Variants in SLC25A37 observed in about 807,000 individuals in gnomAD.
SLC25A37 encodes the protein solute carrier family 25 member 37, also known as mitoferrin-1.
SLC25A37 carries 17 observed loss-of-function variants against 31.0 expected under a neutral mutation model. The ratio of observed to expected loss-of-function variants is 0.55; its 90% CI spans 0.38 to 0.82. The LOEUF (loss-of-function observed/expected upper bound fraction) is 0.82, where lower values mean the gene tolerates loss of function less well. Among genes scored for constraint, SLC25A37 ranks in the 40% least tolerant of loss-of-function variants. The pLI, the probability that SLC25A37 is intolerant of heterozygous loss-of-function variation, is 0.00. For missense variants in SLC25A37, 404 were observed against 465.8 expected (o/e 0.87, Z 1.22); for synonymous variants, 222 against 193.0 (o/e 1.15, Z -1.24).
In SLC25A37 at chr8:23,566,162, G is replaced by A. The variant is rs746692529; in HGVS notation, c.265G>A (p.Gly89Arg). 1.5e-5 allele frequency: 24 copies of A among 1,604,630 alleles called. 1 individual carries two copies. The highest frequency in any genetic ancestry group is 1.7e-4 in the Middle Eastern group (1 of 6,056). ...DPKAQYTSIY[G>R]ALKKIMRTEG... ...CAAAGCCCAGTACACAAGTATCTACGGAGCCCTCAAGAAAATCATGCGGAC... is the reference window on the plus strand; with the variant it reads ...CAAAGCCCAGTACACAAGTATCTACAGAGCCCTCAAGAAAATCATGCGGAC... Residue 89 changes from glycine to arginine, a missense_variant, in exon 2 of 4, where the codon GGA becomes AGA. Transcript: ENST00000519973.
In SLC25A37 at chr8:23,573,993, A is replaced by G. The variant is rs74879444; in HGVS notation, c.*2138A>G. The G allele has an allele frequency of 1.4e-3, 485 of 358,478 alleles. 1 individual carries two copies. Among genetic ancestry groups the G allele is most frequent in the African/African-American group, 9.8e-3 (464 of 47,184 alleles). The allele number at this position is 358,478 out of a possible 1,614,324, so 22.2% of individuals were successfully genotyped here. A position where few individuals can be genotyped will look rare whatever the true frequency, so the allele number is the denominator to read the frequency against. On this transcript the variant is annotated 3_prime_UTR_variant, in exon 4 of 4. Transcript: ENST00000519973. ...GGAGGGGAAAAAAATCAAATTCTAA[A>G]TTTCAAAGTAGAATTTAAAGCAAAT...
rs373989933 is a variant in SLC25A37, at chr8:23,566,154, G to A, written c.257G>A (p.Ser86Asn). Residue 86 changes from serine to asparagine, a missense_variant, in exon 2 of 4, where the codon AGT (serine) becomes AAT (asparagine). Transcript: ENST00000519973. ...LSPDPKAQYT[S>N]IYGALKKIMR... ...CCAGATCCCAAAGCCCAGTACACAA[G>A]TATCTACGGAGCCCTCAAGAAAATC... is the stretch of plus-strand genomic sequence containing the variant. The A allele has an allele frequency of 4.2e-5, 68 of 1,604,362 alleles. No individual in the cohort carries two copies. Among genetic ancestry groups the A allele is most frequent in the Non-Finnish European group, 5.8e-5 (68 of 1,176,990 alleles).
At chr8:23,553,513 G>A (rs1461340397) in intron 1 of SLC25A37, among the ~76,000 whole-genome samples, 1 of 152,212 alleles carries the variant, frequency 6.6e-6, no homozygotes, top group East Asian at 1.9e-4. Flanking sequence ...TTATGGGCCG[G>A]TGACATTGAC....
At chr8:23,559,331 C>G (rs1802448310) in intron 1 of SLC25A37, among the ~76,000 whole-genome samples, 1 of 142,590 alleles carries the variant, frequency 7.0e-6, no homozygotes, top group Non-Finnish European at 1.6e-5. Context: ...AATTCTCTGT[C>G]TCCGGTTGTG....
chr8:23,546,017 C>T (rs1033760138), intron 1 of SLC25A37, among the ~76,000 whole-genome samples: 6 of 152,036 alleles, frequency 3.9e-5, no homozygotes, highest in African/African-American at 1.5e-4. Context: ...TGCCTATAAT[C>T]TCAGCTACTT....
rs181050259 is a variant in SLC25A37 at position 23,575,130 on chromosome 8, C to A, written c.*3275C>A. On this transcript the variant is annotated 3_prime_UTR_variant, in exon 4 of 4. Transcript: ENST00000519973. Reference sequence around the variant, plus strand: ...TAAAATGCTCATGTCTTATTCCAAGCACCTTCCTCCAAAGTCCCCATAAAG... The same window carrying A: ...TAAAATGCTCATGTCTTATTCCAAGAACCTTCCTCCAAAGTCCCCATAAAG... The A allele has an allele frequency of 6.6e-6, 1 of 152,252 alleles. No homozygotes were observed. The highest frequency in any genetic ancestry group is 6.5e-5 in the Admixed American group (1 of 15,300). 9.4% of individuals were successfully genotyped at this position (152,252 alleles called of 1,614,324 possible).
intron 1 of SLC25A37, among the ~76,000 whole-genome samples, chr8:23,538,425 C>T (rs7816019): frequency 0.16 from 22,046 of 135,658 alleles, 4,081 homozygotes; most frequent in African/African-American, 0.42. Flanking sequence ...AAAAACTTGC[C>T]ATTAAACAAA....
chr8:23,534,705 T>C (rs1563250106), intron 1 of SLC25A37, among the ~76,000 whole-genome samples: 2 of 152,210 alleles, frequency 1.3e-5, no homozygotes, highest in Non-Finnish European at 2.9e-5. Flanking sequence ...TTAACCTTTC[T>C]GTGCTATTTC....
At chr8:23,543,565 G>A (rs934539708) in intron 1 of SLC25A37, among the ~76,000 whole-genome samples, 3 of 152,028 alleles carry the variant, frequency 2.0e-5, no homozygotes, top group Non-Finnish European at 2.9e-5. Flanking sequence ...CCCTACACAG[G>A]TGTACCATTA....
rs755294010 is a variant in SLC25A37, at chr8:23,528,965, C to CA, written c.-37dup. The CA allele has an allele frequency of 2.8e-6, 4 of 1,418,480 alleles. No homozygotes were observed. The South Asian group carries it at 5.8e-5, about 21-fold the overall frequency. The allele number at this position is 1,418,480 out of a possible 1,614,324, so 87.9% of individuals were successfully genotyped here. ...TTTTGCGCCCCTCCCCCTCCCTGCCCACCTCCTGCAGCCTCCTGCGCCCCG... is the reference window on the plus strand; with the variant it reads ...TTTTGCGCCCCTCCCCCTCCCTGCCCAACCTCCTGCAGCCTCCTGCGCCCCG... On this transcript the variant is annotated 5_prime_UTR_variant, in exon 1 of 4. Transcript: ENST00000519973.
In SLC25A37 at chr8:23,571,312, C is replaced by G. The variant is rs573484944; in HGVS notation, c.497-23C>G. 22 of 1,524,990 alleles carry G rather than the reference C, an allele frequency of 1.4e-5. No homozygotes were observed. The East Asian group carries it at 3.8e-4, about 26-fold the overall frequency. The allele number at this position is 1,524,990 out of a possible 1,614,324, so 94.5% of individuals were successfully genotyped here. On this transcript the variant is annotated intron_variant, in intron 3 of 3. Transcript: ENST00000519973. Reference sequence around the variant, plus strand: ...ACTGCCCACTGGCTGTCCGTCTGGCCTGCCCCGCGGTTCCAACCACAGTGG... The same window carrying G: ...ACTGCCCACTGGCTGTCCGTCTGGCGTGCCCCGCGGTTCCAACCACAGTGG...
intron 1 of SLC25A37, among the ~76,000 whole-genome samples, chr8:23,560,030 A>C (rs1802472742): frequency 6.6e-6 from 1 of 152,176 alleles, no homozygotes; most frequent in African/African-American, 2.4e-5. Flanking sequence ...AAAAGAGAGT[A>C]CTTTGGGAGG....
At chr8:23,562,876 C>G (rs1488283551) in intron 1 of SLC25A37, among the ~76,000 whole-genome samples, 1 of 152,188 alleles carries the variant, frequency 6.6e-6, no homozygotes, top group Non-Finnish European at 1.5e-5. Flanking sequence ...ATTGTACCAC[C>G]TGGTACCCTT....
intron 1 of SLC25A37, among the ~76,000 whole-genome samples, chr8:23,564,672 A>C (rs946524222): frequency 2.6e-5 from 4 of 152,118 alleles, no homozygotes; most frequent in African/African-American, 9.7e-5. Flanking sequence ...AGGTAATAGG[A>C]TGTGTAAAGT....
Position 23,571,537 on chromosome 8 carries a change from C to A in SLC25A37, c.699C>A (p.Asn233Lys). The stretch of plus-strand genomic sequence containing the variant: ...AGGTCAACCCCCACCGGACCTACAA[C>A]CCGCAGTCCCACATCATCTCAGGCG... ...QEQVNPHRTY[N>K]PQSHIISGGL... The change falls in exon 4 of 4, where the codon AAC becomes AAA. Residue 233 changes from asparagine (N) to lysine (K), a missense_variant. Coordinates refer to ENST00000519973, the MANE Select transcript of SLC25A37 (RefSeq NM_016612.4). 6.2e-7 allele frequency: 1 copy of A among 1,613,946 alleles called. No individual in the cohort carries two copies. Among genetic ancestry groups the A allele is most frequent in the South Asian group, 1.1e-5 (1 of 91,074 alleles).
chr8:23,566,810 A>T (rs1802674013), intron 2 of SLC25A37: 11 of 986,448 alleles, frequency 1.1e-5, no homozygotes, highest in Non-Finnish European at 1.3e-5. Flanking sequence ...CTAAGCTTTA[A>T]AAGGTCAAGA....
rs750111084 is a variant in SLC25A37, at chr8:23,571,433, C to T, written c.595C>T (p.Arg199Trp). Residue 199 changes from arginine to tryptophan, a missense_variant, in exon 4 of 4, where the codon CGG becomes TGG. Physicochemically the swap from Arg to Trp is moderately radical, Grantham distance 101. This residue lies in a region of SLC25A37 where 243 missense variants were observed against 284.4 expected (regional missense o/e 0.85). Coordinates refer to ENST00000519973, the MANE Select transcript of SLC25A37 (RefSeq NM_016612.4). ...WRTEGLGAFY[R>W]SYTTQLTMNI... ...GACCGAGGGGTTGGGGGCCTTCTAC[C>T]GGAGCTACACCACGCAGCTGACCAT... The T allele has an allele frequency of 3.7e-6, 6 of 1,613,808 alleles. No individual in the cohort carries two copies. Among genetic ancestry groups the T allele is most frequent in the East Asian group, 2.2e-5 (1 of 44,864 alleles).
rs538895224 is a variant in SLC25A37 at position 23,564,937 on chromosome 8, CTACG to C, written c.211-1167_211-1164del. 3.9e-3 allele frequency among the ~76,000 whole-genome samples: 597 copies of C among 152,036 alleles called. 4 individuals are homozygous for C. Among genetic ancestry groups the C allele is most frequent in the African/African-American group, 0.014 (566 of 41,364 alleles). On this transcript the variant is annotated intron_variant, in intron 1 of 3. Transcript: ENST00000519973. ...CTACCTATCTGTCTGATCTACCTAC[CTACG>C]TACCTACCTACTTAGAAATTGAGAG...
Position 23,528,957 on chromosome 8 carries a change from TC to T in SLC25A37, c.-43del, listed in dbSNP as rs904994929. 1.4e-6 allele frequency: 2 copies of T among 1,399,662 alleles called. No individual in the cohort carries two copies. The highest frequency in any genetic ancestry group is 1.5e-5 in the African/African-American group (1 of 66,390). The allele number at this position is 1,399,662 out of a possible 1,614,324, so 86.7% of individuals were successfully genotyped here. On this transcript the variant is annotated 5_prime_UTR_variant, in exon 1 of 4. Transcript: ENST00000519973. Reference sequence around the variant, plus strand: ...AAGTGAAGTTTTGCGCCCCTCCCCCTCCCTGCCCACCTCCTGCAGCCTCCTG... The same window carrying T: ...AAGTGAAGTTTTGCGCCCCTCCCCCTCCTGCCCACCTCCTGCAGCCTCCTG...
Sources: gnomAD v4.1 joint callset for allele counts (sites outside exome capture counted in the v4.1 genomes callset) on GRCh38, gnomAD v4.1.1 for gene constraint, gnomAD v4.1.1 regional missense constraint, MANE v1.5 for transcripts, NCBI Gene and HGNC (gene_info 2026-07-23, HGNC 2026-07-21) for gene names.